RARB: variants seen among roughly 807,000 people sequenced by gnomAD.
The protein encoded by RARB is HBV-activated protein.
Under a neutral mutation model 51.9 loss-of-function variants are expected in RARB, and 17 were observed. The ratio of observed to expected loss-of-function variants is 0.33; its 90% CI spans 0.22 to 0.49. The LOEUF (loss-of-function observed/expected upper bound fraction) is 0.49. Ranked by LOEUF, RARB falls within the 20% of genes least tolerant of loss-of-function variation. The pLI is 0.99. For missense variants in RARB, 369 were observed against 550.8 expected (o/e 0.67, Z 3.30); for synonymous variants, 215 against 195.4 (o/e 1.10, Z -0.84).
chr3:24,898,967 C>T (rs1575061024), intron 2 of RARB, among the ~76,000 whole-genome samples: 1 of 152,124 alleles, frequency 6.6e-6, no homozygotes, highest in Admixed American at 6.5e-5. Context: ...TGTCTCATGA[C>T]CACCTCTGGC....
intron 3 of RARB, among the ~76,000 whole-genome samples, chr3:25,116,578 A>G (rs539367073): frequency 6.6e-5 from 10 of 151,868 alleles, no homozygotes; most frequent in African/African-American, 1.9e-4. Flanking sequence ...TGTAATGACA[A>G]CCTCCTTAAA....
intron 2 of RARB, among the ~76,000 whole-genome samples, chr3:25,476,738 G>T (rs1281653883): frequency 6.6e-6 from 1 of 152,192 alleles, no homozygotes; most frequent in Non-Finnish European, 1.5e-5. Flanking sequence ...ACAATGGCTT[G>T]TTGAGTCTTC....
chr3:24,899,558 T>C (rs774448341), intron 2 of RARB, among the ~76,000 whole-genome samples: 2 of 152,092 alleles, frequency 1.3e-5, no homozygotes, highest in Non-Finnish European at 2.9e-5. Context: ...CTAGTGGGAA[T>C]TGATTAGGAC....
intron 2 of RARB, among the ~76,000 whole-genome samples, chr3:24,916,567 T>TA: frequency 6.6e-6 from 1 of 152,288 alleles, no homozygotes; most frequent in Non-Finnish European, 1.5e-5. Context: ...CTGATGTGCT[T>TA]AATGAGTAAA....
chr3:25,029,773 A>G (rs1193474663), intron 2 of RARB, among the ~76,000 whole-genome samples: 1 of 152,236 alleles, frequency 6.6e-6, no homozygotes, highest in South Asian at 2.1e-4. Flanking sequence ...CATTTTAGGA[A>G]TGGGCAATGA....
At chr3:25,116,111 C>G (rs1699683538) in intron 3 of RARB, among the ~76,000 whole-genome samples, 1 of 152,132 alleles carries the variant, frequency 6.6e-6, no homozygotes, top group Non-Finnish European at 1.5e-5. Context: ...TGTATTCTAC[C>G]AGTTCATTTT....
At chr3:25,253,472 TG>T (rs1453515143) in intron 5 of RARB, among the ~76,000 whole-genome samples, 2 of 152,184 alleles carry the variant, frequency 1.3e-5, no homozygotes, top group Non-Finnish European at 2.9e-5. Context: ...AAATAGTTAA[TG>T]TCCACATACT....
intron 3 of RARB, among the ~76,000 whole-genome samples, chr3:25,124,604 G>C (rs1293499920): frequency 6.6e-6 from 1 of 152,148 alleles, no homozygotes; most frequent in African/African-American, 2.4e-5. Flanking sequence ...GGAAACAGCA[G>C]TATTTCAGAA....
intron 4 of RARB, among the ~76,000 whole-genome samples, chr3:25,156,471 C>T (rs1165933748): frequency 7.4e-6 from 1 of 134,418 alleles, no homozygotes; most frequent in Non-Finnish European, 1.5e-5. Context: ...ATTAATTTCC[C>T]TTCATTTTAA....
chr3:25,104,927 G>A (rs2125322720), intron 3 of RARB, among the ~76,000 whole-genome samples: 1 of 152,228 alleles, frequency 6.6e-6, no homozygotes, highest in South Asian at 2.1e-4. Flanking sequence ...GCCTGCAAGG[G>A]GAGCTCCTGT....
intron 4 of RARB, among the ~76,000 whole-genome samples, chr3:25,164,178 C>A (rs940930379): frequency 6.6e-6 from 1 of 152,154 alleles, no homozygotes; most frequent in Non-Finnish European, 1.5e-5. Flanking sequence ...ATATCTTTGA[C>A]CTCAGCCAGA....
At chr3:24,837,098 A>G (rs1702354505) in intron 1 of RARB, among the ~76,000 whole-genome samples, 1 of 152,178 alleles carries the variant, frequency 6.6e-6, no homozygotes, top group African/African-American at 2.4e-5. Flanking sequence ...CATATAGTTT[A>G]CCTCTTTGAC....
At chr3:25,192,220 A>G (rs1169421998) in intron 5 of RARB, among the ~76,000 whole-genome samples, 4 of 152,134 alleles carry the variant, frequency 2.6e-5, no homozygotes, top group Admixed American at 2.6e-4. Flanking sequence ...TCATAGTTAA[A>G]TAATTTATAC....
Position 25,428,556 on chromosome 3 carries a change from C to T in RARB, c.-176C>T. The T allele has an allele frequency of 3.1e-6, 4 of 1,308,214 alleles. No homozygotes were observed. The highest frequency in any genetic ancestry group is 3.9e-6 in the Non-Finnish European group (4 of 1,025,898). The allele number at this position is 1,308,214 out of a possible 1,614,324, so 81.0% of individuals were successfully genotyped here. A position where few individuals can be genotyped will look rare whatever the true frequency, so the allele number is the denominator to read the frequency against. ...GGTAAATGATCATTTGGATCAATTA[C>T]AGGCTTTTAGCTGGCTTGTCTGTCA... On this transcript the variant is annotated 5_prime_UTR_variant, in exon 1 of 8. The change creates a premature stop within an existing upstream ORF in the 5' untranslated region. Transcript: ENST00000330688.
At chr3:25,284,295 A>T (rs1703597263) in intron 5 of RARB, among the ~76,000 whole-genome samples, 1 of 152,150 alleles carries the variant, frequency 6.6e-6, no homozygotes, top group Non-Finnish European at 1.5e-5. Context: ...CCTGTAAGAG[A>T]CCCTGAAGGT....
chr3:25,192,548 C>T (rs538847161), intron 5 of RARB, among the ~76,000 whole-genome samples: 3 of 152,212 alleles, frequency 2.0e-5, no homozygotes, highest in East Asian at 3.9e-4. Flanking sequence ...CTGCTCTTTA[C>T]TCATCGTGTT....
intron 2 of RARB, among the ~76,000 whole-genome samples, chr3:24,914,684 A>G (rs1695069119): frequency 6.6e-6 from 1 of 152,178 alleles, no homozygotes; most frequent in African/African-American, 2.4e-5. Flanking sequence ...TAGTTGTTAC[A>G]CTGTATTGTT....
At chr3:25,328,980 G>A (rs866744755) in intron 5 of RARB, among the ~76,000 whole-genome samples, 2 of 152,182 alleles carry the variant, frequency 1.3e-5, no homozygotes, top group Admixed American at 1.3e-4. Flanking sequence ...TAGGGGAGGG[G>A]CGTCCACCAT....
At chr3:25,294,947 T>G (rs1487053709) in intron 5 of RARB, among the ~76,000 whole-genome samples, 1 of 152,160 alleles carries the variant, frequency 6.6e-6, no homozygotes, top group Non-Finnish European at 1.5e-5. Flanking sequence ...GTGCCCCAGT[T>G]AGCCCTTTAC....
Sources: gnomAD v4.1 joint callset for allele counts (sites outside exome capture counted in the v4.1 genomes callset) on GRCh38, gnomAD v4.1.1 for gene constraint, MANE v1.5 for transcripts, NCBI Gene and HGNC (gene_info 2026-07-23, HGNC 2026-07-21) for gene names.